ADD3: variants seen among roughly 807,000 people sequenced by gnomAD.
The protein encoded by ADD3 is adducin 3, also known as gamma-adducin.
In ADD3, 25 loss-of-function variants were observed where a neutral mutation model predicts 80.2. That is an observed-to-expected ratio of 0.31 (90% CI 0.23 to 0.44). The LOEUF is 0.44. ADD3 is among the 20% of genes least tolerant of loss of function. ADD3 has a pLI of 1.00. For synonymous variants in ADD3, 284 were observed against 289.6 expected, an observed-to-expected ratio of 0.98 and a Z score of 0.20; for missense variants, 829 against 847.5, an observed-to-expected ratio of 0.98 and a Z score of 0.27.
intron 2 of ADD3, among the ~76,000 whole-genome samples, chr10:110,111,121 C>T (rs1345523059): frequency 1.3e-5 from 2 of 152,142 alleles, no homozygotes; most frequent in African/African-American, 2.4e-5. Context: ...GAGATTCACC[C>T]TTCTAAAGGA....
intron 1 of ADD3, among the ~76,000 whole-genome samples, chr10:110,081,464 C>T (rs1000009251): frequency 3.3e-5 from 5 of 151,934 alleles, no homozygotes; most frequent in Non-Finnish European, 5.9e-5. Flanking sequence ...TATTTAAATT[C>T]GAATCTGTGA....
At chr10:110,039,863 C>T (rs1192682141) in intron 1 of ADD3, among the ~76,000 whole-genome samples, 4 of 152,198 alleles carry the variant, frequency 2.6e-5, no homozygotes, top group Non-Finnish European at 4.4e-5. Flanking sequence ...TGGTGGAGAG[C>T]TTCAGTTCCT....
At chr10:110,107,100 C>T (rs1246762714) in intron 2 of ADD3, among the ~76,000 whole-genome samples, 1 of 152,076 alleles carries the variant, frequency 6.6e-6, no homozygotes, top group Non-Finnish European at 1.5e-5. Context: ...CACTGAACTA[C>T]ACACTCAGGG....
At chr10:110,049,391 G>A (rs955498101) in intron 1 of ADD3, among the ~76,000 whole-genome samples, 25 of 152,308 alleles carry the variant, frequency 1.6e-4, no homozygotes, top group African/African-American at 5.8e-4. Flanking sequence ...CTAGACCCCA[G>A]AATGGTAGAT....
At chr10:110,062,200 TAAAAAAAAAAAAAAAAAAAAA>T (rs57540485) in intron 1 of ADD3, among the ~76,000 whole-genome samples, 6 of 35,234 alleles carry the variant, frequency 1.7e-4, no homozygotes, top group Admixed American at 1.0e-3. Flanking sequence ...CTGTCTCTAC[TAAAAAAAAAAAAAAAAAAAAA>T]AAAAAAAAAA....
intron 1 of ADD3, among the ~76,000 whole-genome samples, chr10:110,083,056 C>CT (rs1440917103): frequency 2.6e-5 from 4 of 152,122 alleles, no homozygotes; most frequent in Non-Finnish European, 5.9e-5. Flanking sequence ...TTGAGTAACT[C>CT]TAAGTGGACA....
In ADD3 at chr10:110,119,716, G is replaced by GTT. The variant is rs1240237994; in HGVS notation, c.960+153_960+154dup. 5 of 614,250 alleles carry GTT rather than the reference G, an allele frequency of 8.1e-6. No individual in the cohort carries two copies. The East Asian group carries it at 1.4e-4, about 17-fold the overall frequency. The allele number at this position is 614,250 out of a possible 1,614,324, so 38.0% of individuals were successfully genotyped here. ...TTATGTAGGCAGGGTTTTCAACTCA[G>GTT]TTATCTCTTGAATTGAAAATAGGAG... On this transcript the variant is annotated intron_variant, in intron 8 of 14. Coordinates refer to ENST00000356080, the MANE Select transcript of ADD3 (RefSeq NM_016824.5).
rs779246707 is a variant in ADD3 at position 110,008,172 on chromosome 10, C to T, written c.-157C>T. ...CCTCCTCAAGCCCCCTCCCCTTCTC[C>T]CGCCCTACCCTCTGGGGCTCTGCGG... On this transcript the variant is annotated 5_prime_UTR_variant, in exon 1 of 15. Transcript: ENST00000356080. 1.3e-5 allele frequency: 2 copies of T among 152,306 alleles called. No homozygotes were observed. Among genetic ancestry groups the T allele is most frequent in the Non-Finnish European group, 2.9e-5 (2 of 68,094 alleles). 9.4% of individuals were successfully genotyped at this position (152,306 alleles called of 1,614,324 possible).
chr10:110,056,025 C>T (rs890036161), intron 1 of ADD3, among the ~76,000 whole-genome samples: 3 of 152,170 alleles, frequency 2.0e-5, no homozygotes, highest in African/African-American at 7.2e-5. Flanking sequence ...CCTTTGGTAG[C>T]ATATGTATGA....
chr10:110,013,930 T>C (rs1267308290), intron 1 of ADD3, among the ~76,000 whole-genome samples: 1 of 152,348 alleles, frequency 6.6e-6, no homozygotes, highest in East Asian at 1.9e-4. Context: ...TGTATGTCTT[T>C]GTCACCATTA....
At chr10:110,113,017 T>C in intron 3 of ADD3, 102 bp downstream of exon 3, 1 of 1,239,370 alleles carries the variant, frequency 8.1e-7, no homozygotes, top group Non-Finnish European at 1.1e-6. Flanking sequence ...GTCCTTAAGT[T>C]TATAACATCT....
rs181407884 is a variant in ADD3, at chr10:110,073,393, C to T, written c.-29-27232C>T. Among the ~76,000 whole-genome samples the T allele has an allele frequency of 6.2e-4, 94 of 152,206 alleles. No homozygotes were observed. In the East Asian group the frequency reaches 8.1e-3, roughly 13 times the overall value. Reference sequence around the variant, plus strand: ...TCCTGACCTCGTGATCCACCCGCCTCGGCCTCCCAAACTGCTGGGATTACA... The same window carrying T: ...TCCTGACCTCGTGATCCACCCGCCTTGGCCTCCCAAACTGCTGGGATTACA... On this transcript the variant is annotated intron_variant, in intron 1 of 14. Coordinates refer to ENST00000356080, the MANE Select transcript of ADD3 (RefSeq NM_016824.5).
chr10:110,048,746 G>A (rs957308524), intron 1 of ADD3, among the ~76,000 whole-genome samples: 35 of 152,186 alleles, frequency 2.3e-4, no homozygotes, highest in African/African-American at 8.4e-4. Flanking sequence ...GCTGTTAAAA[G>A]CATTCAGTTT....
At position 110,034,216 on chromosome 10, in the gene ADD3, A is replaced by G. The variant is rs142321040; in HGVS notation, c.-30+25917A>G. Among the ~76,000 whole-genome samples the G allele has an allele frequency of 1.3e-3, 205 of 152,248 alleles. 1 individual carries two copies. The highest frequency in any genetic ancestry group is 4.7e-3 in the African/African-American group (194 of 41,560). On this transcript the variant is annotated intron_variant, in intron 1 of 14. Transcript: ENST00000356080. The stretch of plus-strand genomic sequence containing the variant: ...ACTACTACAATTAAAATTTGTAGTT[A>G]CAAATATCTCAGCCTAGGGGATATA...
At chr10:110,129,153 T>G (rs904382939) in intron 12 of ADD3, among the ~76,000 whole-genome samples, 16 of 149,908 alleles carry the variant, frequency 1.1e-4, no homozygotes, top group African/African-American at 3.2e-4. Context: ...TTTCTTTCTT[T>G]TTTTTTTTTT....
chr10:110,097,742 G>C (rs938956351), intron 1 of ADD3, among the ~76,000 whole-genome samples: 2 of 151,170 alleles, frequency 1.3e-5, no homozygotes, highest in Non-Finnish European at 2.9e-5. Context: ...CTTTAATCTG[G>C]AACAGTTCCT....
At chr10:110,130,712 C>A (rs188111084) in intron 13 of ADD3, among the ~76,000 whole-genome samples, 1 of 151,934 alleles carries the variant, frequency 6.6e-6, no homozygotes, top group Admixed American at 6.6e-5. Context: ...AAAAATTAGC[C>A]GGGCATGGTG....
At chr10:110,050,576 A>G (rs1198525567) in intron 1 of ADD3, among the ~76,000 whole-genome samples, 1 of 149,474 alleles carries the variant, frequency 6.7e-6, no homozygotes, top group Non-Finnish European at 1.5e-5. Context: ...ACAGTGGCAC[A>G]ATCTCAGCTC....
chr10:110,009,120 C>T (rs898715623), intron 1 of ADD3, among the ~76,000 whole-genome samples: 1 of 152,060 alleles, frequency 6.6e-6, no homozygotes, highest in Non-Finnish European at 1.5e-5. Context: ...AAAATGGGAG[C>T]GCAAGGAAAA....
Sources: allele counts gnomAD v4.1 joint callset (sites outside exome capture counted in the v4.1 genomes callset), GRCh38; gene constraint gnomAD v4.1.1; transcripts MANE v1.5; gene names NCBI Gene and HGNC (gene_info 2026-07-23, HGNC 2026-07-21).